The following LARP4B variants were observed in gnomAD, a reference collection of about 807,000 sequenced individuals.
LARP4B encodes La ribonucleoprotein 4B, also known as la-related protein 4B.
In LARP4B, 12 loss-of-function variants were observed where a neutral mutation model predicts 89.8. The ratio of observed to expected loss-of-function variants is 0.13; its 90% CI spans 0.09 to 0.22. The LOEUF is 0.22. Ranked by LOEUF, LARP4B falls within the 10% of genes least tolerant of loss-of-function variation. The pLI, the probability that LARP4B is intolerant of heterozygous loss-of-function variation, is 1.00. For missense variants in LARP4B, 757 were observed against 947.7 expected (o/e 0.80, Z 2.64); for synonymous variants, 367 against 363.3 (o/e 1.01, Z -0.12).
intron 5 of LARP4B, among the ~76,000 whole-genome samples, chr10:850,012 A>T (rs1045032223): frequency 6.6e-6 from 1 of 152,240 alleles, no homozygotes; most frequent in African/African-American, 2.4e-5. Flanking sequence ...CCCGCAACAG[A>T]AAAAGGACGT....
intron 1 of LARP4B, among the ~76,000 whole-genome samples, chr10:897,240 T>C (rs1836213843): frequency 6.6e-6 from 1 of 152,176 alleles, no homozygotes; most frequent in Non-Finnish European, 1.5e-5. Flanking sequence ...TATAGACAAC[T>C]GATTTTCCAC....
intron 1 of LARP4B, among the ~76,000 whole-genome samples, chr10:913,037 G>C (rs1211007818): frequency 6.6e-6 from 1 of 151,822 alleles, no homozygotes; most frequent in African/African-American, 2.4e-5. Context: ...CCCTTTGCTT[G>C]ATGCTTTTCC....
intron 3 of LARP4B, among the ~76,000 whole-genome samples, chr10:872,665 A>ACT (rs1478506053): frequency 6.6e-6 from 1 of 152,172 alleles, no homozygotes; most frequent in African/African-American, 2.4e-5. Flanking sequence ...GCAGATGGCC[A>ACT]CTCACAAAGG....
chr10:884,396 G>T, intron 3 of LARP4B, 51 bp downstream of exon 3: 1 of 1,190,750 alleles, frequency 8.4e-7, no homozygotes. Flanking sequence ...AAGTATCTCT[G>T]AGCCTTGACT....
chr10:986,615 A>T, the LARP4B span: 1 of 152,236 alleles, frequency 6.6e-6, no homozygotes, highest in Non-Finnish European at 1.5e-5. Flanking sequence ...ATGATGAGTC[A>T]TTATGGTTGT....
chr10:931,763 G>A (rs1199755780), upstream of LARP4B: 2 of 150,384 alleles, frequency 1.3e-5, no homozygotes, highest in Admixed American at 1.3e-4. Context: ...CTCGCGCCCT[G>A]AACTCGCGCA....
Position 865,388 on chromosome 10 carries a change from T to TA in LARP4B, c.142-1119dup, listed in dbSNP as rs569166536. Among the ~76,000 whole-genome samples the TA allele has an allele frequency of 2.6e-5, 4 of 152,328 alleles. No homozygotes were observed. In the East Asian group the frequency reaches 7.7e-4, roughly 29 times the overall value. Reference sequence around the variant, plus strand: ...CAGTTAGTCCCACAGGGCAGTCCTCTACTCAAAACCCTCCCGCATCAGCTT... The same window carrying TA: ...CAGTTAGTCCCACAGGGCAGTCCTCTAACTCAAAACCCTCCCGCATCAGCTT... On this transcript the variant is annotated intron_variant, in intron 3 of 17. Transcript: ENST00000316157.
chr10:942,757 T>C, the LARP4B span: 1 of 151,984 alleles, frequency 6.6e-6, no homozygotes, highest in Non-Finnish European at 1.5e-5. Flanking sequence ...TGTGATTCCA[T>C]GAGATAAGAA....
At chr10:932,111 C>T (rs1157260153), upstream of LARP4B, among the ~76,000 whole-genome samples, 2 of 151,920 alleles carry the variant, frequency 1.3e-5, no homozygotes, top group East Asian at 1.9e-4. Context: ...AGACCCCTGC[C>T]CGCCGCCCAG....
At chr10:972,508 G>T in the LARP4B span, 1 of 456,952 alleles carries the variant, frequency 2.2e-6, no homozygotes, top group Non-Finnish European at 4.4e-6. Flanking sequence ...TCTCAGAGGG[G>T]TGACAGGTTC....
At chr10:879,954 A>G (rs1490648666) in intron 3 of LARP4B, among the ~76,000 whole-genome samples, 1 of 151,706 alleles carries the variant, frequency 6.6e-6, no homozygotes, top group Non-Finnish European at 1.5e-5. Flanking sequence ...TTGTATTTTT[A>G]GTAGAGACGG....
chr10:873,405 C>T (rs1029443544), intron 3 of LARP4B: 9 of 985,102 alleles, frequency 9.1e-6, no homozygotes, highest in African/African-American at 3.5e-5. Flanking sequence ...AAGAATGCTG[C>T]GCTGTATTTT....
At chr10:875,587 A>G (rs1476901841) in intron 3 of LARP4B, among the ~76,000 whole-genome samples, 1 of 152,222 alleles carries the variant, frequency 6.6e-6, no homozygotes, top group African/African-American at 2.4e-5. Context: ...ATTTATAAAG[A>G]ACAGAGATTA....
chr10:974,005 T>C, the LARP4B span, among the ~76,000 whole-genome samples: 2 of 152,102 alleles, frequency 1.3e-5, no homozygotes, highest in African/African-American at 4.8e-5. Flanking sequence ...TTTACAACCT[T>C]CAAAACTCCC....
In LARP4B at chr10:817,676, C is replaced by T. The variant is rs771565749; in HGVS notation, c.1695+49G>A. The T allele has an allele frequency of 5.8e-6, 9 of 1,560,600 alleles. No individual in the cohort carries two copies. The East Asian group carries it at 1.4e-4, about 24-fold the overall frequency. Reference sequence around the variant, plus strand: ...TCAGCAAAGCGCCTGACACGGAACCCGTACCTAGACACTGTTGGCAACTAT... The same window carrying T: ...TCAGCAAAGCGCCTGACACGGAACCTGTACCTAGACACTGTTGGCAACTAT... On this transcript the variant is annotated intron_variant, in intron 15 of 17. Transcript: ENST00000316157.
chr10:859,428 C>T (rs1834477528), intron 5 of LARP4B, among the ~76,000 whole-genome samples: 3 of 152,062 alleles, frequency 2.0e-5, no homozygotes, highest in Non-Finnish European at 2.9e-5. Context: ...ATAAGAATTA[C>T]CATATGATCC....
intron 1 of LARP4B, among the ~76,000 whole-genome samples, chr10:914,005 T>G (rs1283110221): frequency 2.0e-5 from 3 of 152,140 alleles, no homozygotes; most frequent in Non-Finnish European, 4.4e-5. Flanking sequence ...TTTCAAAAAT[T>G]TAATCTTAAA....
the LARP4B span, among the ~76,000 whole-genome samples, chr10:947,398 A>G: frequency 6.6e-6 from 1 of 152,078 alleles, no homozygotes; most frequent in African/African-American, 2.4e-5. Flanking sequence ...AGTGACCCAC[A>G]TATTCTGAGG....
chr10:917,052 G>A (rs1484228620), intron 1 of LARP4B, among the ~76,000 whole-genome samples: 2 of 152,118 alleles, frequency 1.3e-5, no homozygotes, highest in East Asian at 3.8e-4. Context: ...TATCATTGGA[G>A]TAAGTAAAAA....
Sources: allele counts gnomAD v4.1 joint callset (sites outside exome capture counted in the v4.1 genomes callset), GRCh38; gene constraint gnomAD v4.1.1; transcripts MANE v1.5; gene names NCBI Gene and HGNC (gene_info 2026-07-23, HGNC 2026-07-21).